Variants in FNDC1 observed in about 807,000 individuals in gnomAD.
The protein encoded by FNDC1 is fibronectin type III domain containing 1, also known as fibronectin type III domain-containing protein 1.
A neutral mutation model predicts 168.0 loss-of-function variants in FNDC1; 96 were observed. The ratio of observed to expected loss-of-function variants is 0.57; its 90% CI spans 0.48 to 0.68. The LOEUF (loss-of-function observed/expected upper bound fraction) is 0.68, where lower values mean the gene tolerates loss of function less well. Ranked by LOEUF, FNDC1 falls within the 30% of genes least tolerant of loss-of-function variation. The probability of loss-of-function intolerance (pLI) is 0.00; values close to 1 mark genes in which losing one functional copy is unlikely to be tolerated. For synonymous variants in FNDC1, 1,099 were observed against 1,025.9 expected (o/e 1.07, Z -1.36); for missense variants, 2,587 against 2,482.1 (o/e 1.04, Z -0.90).
Position 159,267,841 on chromosome 6 carries a change from T to A in FNDC1, c.5484T>A (p.Gly1828=). 1 of 1,613,674 alleles carries A rather than the reference T, an allele frequency of 6.2e-7. No homozygotes were observed. ...FYSIGDSWGR[G]EDHCQFVDSH... ...GCATTGGAGACAGCTGGGGAAGAGGTGAAGACCATTGCCAATTTGTGGATT... is the reference window on the plus strand; with the variant it reads ...GCATTGGAGACAGCTGGGGAAGAGGAGAAGACCATTGCCAATTTGTGGATT... The change falls in exon 22 of 23, where the codon GGT becomes GGA. Residue 1828 remains glycine, a synonymous_variant. Transcript: ENST00000297267.
At chr6:159,191,007 G>T (rs1782126009) in intron 1 of FNDC1, among the ~76,000 whole-genome samples, 1 of 152,182 alleles carries the variant, frequency 6.6e-6, no homozygotes, top group Admixed American at 6.5e-5. Context: ...AGCAAGGCTA[G>T]GAGGCCTCAG....
intron 4 of FNDC1, among the ~76,000 whole-genome samples, chr6:159,208,410 A>T (rs149898042): frequency 0.014 from 2,148 of 152,280 alleles, 57 homozygotes; most frequent in African/African-American, 0.049. Context: ...AAGGCTTATG[A>T]TCTATACAAA....
At chr6:159,204,895 G>C (rs972907962) in intron 4 of FNDC1, among the ~76,000 whole-genome samples, 66 of 152,288 alleles carry the variant, frequency 4.3e-4, no homozygotes, top group African/African-American at 1.5e-3. Context: ...CCTGGCCTGG[G>C]TTCCTTTCAC....
In FNDC1 at chr6:159,233,655, G is replaced by C. The variant is rs945665062; in HGVS notation, c.3143G>C (p.Arg1048Pro). 9 of 1,552,362 alleles carry C rather than the reference G, an allele frequency of 5.8e-6. No individual in the cohort carries two copies. Among genetic ancestry groups the C allele is most frequent in the Non-Finnish European group, 7.8e-6 (9 of 1,150,050 alleles). Residue 1048 changes from arginine (R) to proline (P), a missense_variant, in exon 11 of 23, where the codon CGC becomes CCC. By Grantham distance (103) the Arg-to-Pro change is moderately radical (BLOSUM62 -2). Transcript: ENST00000297267. This position sits in a 1 kb window ranked among gnomAD's most constrained non-coding sequence, Gnocchi z 4.6. ...CGGCCCCGCCCCACGTCGCAGGGCC[G>C]CTCCCACTCCTCCTCGGACCCTTAC... ...AGRPRPTSQG[R>P]SHSSSDPYTA...
intron 1 of FNDC1, among the ~76,000 whole-genome samples, chr6:159,187,668 C>A (rs1318288719): frequency 1.3e-5 from 2 of 152,154 alleles, no homozygotes; most frequent in Non-Finnish European, 2.9e-5. Flanking sequence ...CACAAAACAA[C>A]CTGGACTTCC....
chr6:159,269,249 C>CTAT (rs1307050511), intron 22 of FNDC1, among the ~76,000 whole-genome samples: 1,936 of 103,050 alleles, frequency 0.019, 50 homozygotes, highest in African/African-American at 0.066. Flanking sequence ...ATCTATCTAT[C>CTAT]CATCTATCAT....
intron 1 of FNDC1, 118 bp from the exon 2 acceptor site, chr6:159,197,313 T>C: frequency 1.0e-6 from 1 of 973,726 alleles, no homozygotes; most frequent in Non-Finnish European, 1.5e-6. Flanking sequence ...TTAAAGTCTT[T>C]CGGATCATAC....
chr6:159,228,535 T>C (rs896602100), intron 9 of FNDC1, among the ~76,000 whole-genome samples: 1 of 137,274 alleles, frequency 7.3e-6, no homozygotes, highest in African/African-American at 3.1e-5. Context: ...AAAGCATTTT[T>C]GGTTGAAACG....
chr6:159,265,103 T>C (rs558802286), intron 20 of FNDC1, 99 bp downstream of exon 20: 100 of 994,580 alleles, frequency 1.0e-4, no homozygotes, highest in Non-Finnish European at 1.5e-4. Flanking sequence ...GTCTGGACCA[T>C]TTTCACAATT....
chr6:159,177,476 G>T (rs956491718), intron 1 of FNDC1, among the ~76,000 whole-genome samples: 3 of 152,112 alleles, frequency 2.0e-5, no homozygotes, highest in Non-Finnish European at 4.4e-5. Context: ...TGGCAGGTGT[G>T]GTCAGGTGTG....
chr6:159,242,740 C>T (rs895679534), intron 14 of FNDC1, among the ~76,000 whole-genome samples: 9 of 152,340 alleles, frequency 5.9e-5, no homozygotes, highest in South Asian at 4.1e-4. Context: ...CATACTTTCT[C>T]TCTCTATGGA....
At chr6:159,216,085 C>A (rs1431345508) in intron 5 of FNDC1, among the ~76,000 whole-genome samples, 2 of 152,132 alleles carry the variant, frequency 1.3e-5, no homozygotes, top group Non-Finnish European at 2.9e-5. Context: ...CCTCAGCCTC[C>A]CGAGTAGCTG....
chr6:159,234,343 CT>C lies in FNDC1; in HGVS notation c.3832del (p.Trp1278GlyfsTer25). 1.2e-6 allele frequency: 2 copies of C among 1,611,484 alleles called. No individual in the cohort carries two copies. Among genetic ancestry groups the C allele is most frequent in the Non-Finnish European group, 8.5e-7 (1 of 1,178,906 alleles). ...TVSPVAGTHPWPQYTTRAPPG... is the reference protein window; with the variant it reads ...TVSPVAGTHPXPQYTTRAPPG... ...TGAGCCCCGTCGCGGGCACCCACCC[CT>C]GGCCGCAGTACACCACGCGCGCCCC... is the stretch of plus-strand genomic sequence containing the variant. On this transcript the variant is annotated frameshift_variant, in exon 11 of 23. Transcript: ENST00000297267. LOFTEE classifies it high-confidence loss of function.
intron 1 of FNDC1, among the ~76,000 whole-genome samples, chr6:159,175,889 C>T (rs59660400): frequency 0.064 from 9,702 of 152,268 alleles, 1,002 homozygotes; most frequent in African/African-American, 0.22. Flanking sequence ...TGCTAAGACA[C>T]TCAGTTTTGT....
At chr6:159,214,911 T>G (rs400477) in intron 4 of FNDC1, 34 bp from the exon 5 acceptor site, 194,071 of 1,602,064 alleles carry the variant, frequency 0.12, 13,713 homozygotes, top group East Asian at 0.3. Context: ...AGTGGTCTAC[T>G]GTCTAACCAC....
chr6:159,261,012 T>C (rs1777471593), intron 18 of FNDC1, among the ~76,000 whole-genome samples, 178 bp from the exon 19 acceptor site: 1 of 152,220 alleles, frequency 6.6e-6, no homozygotes, highest in Admixed American at 6.5e-5. Context: ...TTAGAGAATT[T>C]ATTCAAAACT....
At chr6:159,183,204 A>G (rs1462202873) in intron 1 of FNDC1, among the ~76,000 whole-genome samples, 2 of 152,236 alleles carry the variant, frequency 1.3e-5, no homozygotes, top group Non-Finnish European at 2.9e-5. Flanking sequence ...TGATATTTGT[A>G]GAGAGAAACT....
intron 1 of FNDC1, among the ~76,000 whole-genome samples, chr6:159,183,695 TG>T (rs1317617426): frequency 1.3e-5 from 2 of 152,096 alleles, no homozygotes; most frequent in African/African-American, 4.8e-5. Flanking sequence ...ACCAATGATG[TG>T]GAAGAGAAAC....
chr6:159,256,680 G>A, intron 18 of FNDC1, 49 bp downstream of exon 18: 1 of 1,376,008 alleles, frequency 7.3e-7, no homozygotes, highest in South Asian at 1.2e-5. Flanking sequence ...GTGCATGGTT[G>A]CTGATTTGCT....
Sources: allele counts gnomAD v4.1 joint callset (sites outside exome capture counted in the v4.1 genomes callset), GRCh38; gene constraint gnomAD v4.1.1; non-coding constraint Gnocchi (gnomAD v3.1); transcripts MANE v1.5; gene names NCBI Gene and HGNC (gene_info 2026-07-23, HGNC 2026-07-21).